LTBP1: variants seen among roughly 807,000 people sequenced by gnomAD.
The protein encoded by LTBP1 is latent transforming growth factor beta binding protein 1.
In LTBP1, 129 loss-of-function variants were observed where a neutral mutation model predicts 207.6. The ratio of observed to expected loss-of-function variants is 0.62; its 90% CI spans 0.54 to 0.72. The LOEUF (loss-of-function observed/expected upper bound fraction) is 0.72, where lower values mean the gene tolerates loss of function less well. Ranked by LOEUF, LTBP1 falls within the 30% of genes least tolerant of loss-of-function variation. The pLI, the probability that LTBP1 is intolerant of heterozygous loss-of-function variation, is 0.00. For missense variants in LTBP1, 2,281 were observed against 2,217.2 expected, an observed-to-expected ratio of 1.03 and a Z score of -0.58; for synonymous variants, 963 against 833.7, an observed-to-expected ratio of 1.16 and a Z score of -2.67.
Position 33,397,260 on chromosome 2 carries a change from T to A in LTBP1, c.4962T>A (p.Asp1654Glu). Residue 1654 changes from aspartate (D) to glutamate (E), a missense_variant, in exon 33 of 34, where the codon GAT becomes GAA. Coordinates refer to ENST00000404816, the MANE Select transcript of LTBP1 (RefSeq NM_206943.4). ...ATTGCTTTGATGGGTATCACTTGGA[T>A]ACGGCCAAGATGACCTGTGTCGGTA... ...TCDCFDGYHL[D>E]TAKMTCVDVN... 1 of 1,614,138 alleles carries A rather than the reference T, an allele frequency of 6.2e-7. No homozygotes were observed. The highest frequency in any genetic ancestry group is 1.6e-4 in the Middle Eastern group (1 of 6,062).
At chr2:33,002,269 G>C (rs1686148845) in intron 2 of LTBP1, among the ~76,000 whole-genome samples, 1 of 152,184 alleles carries the variant, frequency 6.6e-6, no homozygotes, top group African/African-American at 2.4e-5. Flanking sequence ...AACTACCCTT[G>C]AACAAATGCA....
At chr2:33,055,500 G>T (rs912252170) in intron 3 of LTBP1, among the ~76,000 whole-genome samples, 1 of 152,190 alleles carries the variant, frequency 6.6e-6, no homozygotes, top group Non-Finnish European at 1.5e-5. Flanking sequence ...CCATACTGGG[G>T]ATAGCTTGCT....
Position 33,150,463 on chromosome 2 carries a change from G to A in LTBP1, c.1201+15503G>A, listed in dbSNP as rs1209210598. Among the ~76,000 whole-genome samples the A allele has an allele frequency of 3.3e-5, 5 of 151,562 alleles. No homozygotes were observed. The South Asian group carries it at 8.3e-4, about 25-fold the overall frequency. ...CTGTTTTTAAATGTATGTTTTAATG[G>A]CATTGAGTATATTCATAATTTTGTT... On this transcript the variant is annotated intron_variant, in intron 5 of 33. Coordinates refer to ENST00000404816, the MANE Select transcript of LTBP1 (RefSeq NM_206943.4).
At chr2:33,375,862 A>G (rs1307131094) in intron 31 of LTBP1, among the ~76,000 whole-genome samples, 2 of 152,014 alleles carry the variant, frequency 1.3e-5, no homozygotes, top group Non-Finnish European at 2.9e-5. Flanking sequence ...TTTAATGAAC[A>G]TTCAATGTAC....
At chr2:33,267,958 G>C (rs75950173) in intron 15 of LTBP1, among the ~76,000 whole-genome samples, 8,349 of 152,264 alleles carry the variant, frequency 0.055, 774 homozygotes, top group African/African-American at 0.19. Context: ...GCTGACATCT[G>C]CTGTCACATG....
intron 5 of LTBP1, among the ~76,000 whole-genome samples, chr2:33,185,151 T>G (rs1184182202): frequency 1.3e-5 from 2 of 152,162 alleles, no homozygotes; most frequent in Non-Finnish European, 2.9e-5. Flanking sequence ...GGAACTGAAT[T>G]AAGTTCCATG....
At chr2:33,230,233 G>T (rs1366436840) in intron 9 of LTBP1, among the ~76,000 whole-genome samples, 1 of 152,160 alleles carries the variant, frequency 6.6e-6, no homozygotes, top group Non-Finnish European at 1.5e-5. Flanking sequence ...TTAATAACTA[G>T]AATTACATTA....
intron 5 of LTBP1, among the ~76,000 whole-genome samples, chr2:33,163,099 A>G (rs1429949449): frequency 6.6e-6 from 1 of 152,138 alleles, no homozygotes. Flanking sequence ...CTCCCACGTC[A>G]GCCTCCCAGG....
At chr2:33,285,106 A>G (rs2093638497) in intron 19 of LTBP1, among the ~76,000 whole-genome samples, 1 of 134,816 alleles carries the variant, frequency 7.4e-6, no homozygotes, top group Admixed American at 8.6e-5. Context: ...CAATGGCGTG[A>G]TCTCGGCTCA....
intron 28 of LTBP1, 27 bp from the exon 29 acceptor site, chr2:33,363,363 T>A: frequency 1.2e-6 from 2 of 1,612,294 alleles, no homozygotes; most frequent in South Asian, 2.2e-5. Context: ...AACTCCTTTT[T>A]GTATTTCTCA....
intron 3 of LTBP1, among the ~76,000 whole-genome samples, chr2:33,088,886 G>A (rs2078909253): frequency 6.6e-6 from 1 of 151,796 alleles, no homozygotes; most frequent in Admixed American, 6.6e-5. Flanking sequence ...CTGGGTACAG[G>A]GGCTCATGCT....
intron 7 of LTBP1, among the ~76,000 whole-genome samples, chr2:33,210,102 T>G (rs1453019627): frequency 2.0e-5 from 3 of 152,242 alleles, no homozygotes; most frequent in Non-Finnish European, 4.4e-5. Flanking sequence ...AATGTGGTTG[T>G]GCAGAAAAGT....
chr2:33,318,430 CCATGAAGCCGA>C (rs1329623796), intron 24 of LTBP1, among the ~76,000 whole-genome samples: 2 of 152,186 alleles, frequency 1.3e-5, no homozygotes. Flanking sequence ...ATTCTTGCCT[CCATGAAGCCGA>C]CATTCCACTA....
chr2:33,175,256 C>T (rs1156339215), intron 5 of LTBP1, among the ~76,000 whole-genome samples: 1 of 151,772 alleles, frequency 6.6e-6, no homozygotes, highest in South Asian at 2.1e-4. Context: ...GCAACCTACT[C>T]ATCTGACAAA....
chr2:33,191,727 A>G (rs183585705), intron 7 of LTBP1, among the ~76,000 whole-genome samples: 1 of 152,338 alleles, frequency 6.6e-6, no homozygotes, highest in East Asian at 1.9e-4. Context: ...ATCCAAAACA[A>G]AAACAAAACC....
At chr2:33,302,040 A>C (rs956213642) in intron 22 of LTBP1, among the ~76,000 whole-genome samples, 1 of 152,234 alleles carries the variant, frequency 6.6e-6, no homozygotes, top group Non-Finnish European at 1.5e-5. Flanking sequence ...CCAAACATCA[A>C]TTCAGTTTTT....
At chr2:33,092,628 G>A (rs1572600598) in intron 3 of LTBP1, among the ~76,000 whole-genome samples, 1 of 92,964 alleles carries the variant, frequency 1.1e-5, no homozygotes, top group African/African-American at 3.0e-5. Flanking sequence ...ATACTGGAAG[G>A]ATGTTTCATA....
chr2:33,051,701 G>A (rs1205083470), intron 3 of LTBP1, among the ~76,000 whole-genome samples: 1 of 152,154 alleles, frequency 6.6e-6, no homozygotes, highest in African/African-American at 2.4e-5. Flanking sequence ...GAAGTGTGCA[G>A]AGCTGCTCTG....
At chr2:33,146,111 G>A (rs771622600) in intron 5 of LTBP1, among the ~76,000 whole-genome samples, 9 of 152,262 alleles carry the variant, frequency 5.9e-5, no homozygotes, top group South Asian at 4.1e-4. Flanking sequence ...TCCAATTTAC[G>A]TAATAGTCTA....
Sources: allele counts gnomAD v4.1 joint callset (sites outside exome capture counted in the v4.1 genomes callset), GRCh38; gene constraint gnomAD v4.1.1; transcripts MANE v1.5; gene names NCBI Gene and HGNC (gene_info 2026-07-23, HGNC 2026-07-21).